PDE7B: variants seen among roughly 807,000 people sequenced by gnomAD.
The protein encoded by PDE7B is phosphodiesterase 7B, also known as 3',5'-cyclic-AMP phosphodiesterase 7B.
A neutral mutation model predicts 56.2 loss-of-function variants in PDE7B; 29 were observed. The observed-to-expected ratio is 0.52, with a 90% CI of 0.38 to 0.70. PDE7B has a LOEUF of 0.70. PDE7B is among the 30% of genes least tolerant of loss of function. PDE7B has a pLI of 0.00. For missense variants in PDE7B, 490 were observed against 565.0 expected, an observed-to-expected ratio of 0.87 and a Z score of 1.35; for synonymous variants, 197 against 196.9, an observed-to-expected ratio of 1.00 and a Z score of 0.00.
intron 2 of PDE7B, among the ~76,000 whole-genome samples, chr6:136,097,546 C>G (rs924284304): frequency 2.6e-5 from 4 of 152,164 alleles, no homozygotes; most frequent in South Asian, 2.1e-4. Context: ...CCTACCTAGT[C>G]ATTCTTTACC....
intron 2 of PDE7B, among the ~76,000 whole-genome samples, chr6:136,008,952 G>GT (rs1294796496): frequency 2.0e-5 from 3 of 151,934 alleles, no homozygotes; most frequent in African/African-American, 7.3e-5. Flanking sequence ...TTCTTCTAGG[G>GT]TTTTTATGGT....
At chr6:135,999,291 G>A (rs1009586196) in intron 2 of PDE7B, among the ~76,000 whole-genome samples, 1 of 151,950 alleles carries the variant, frequency 6.6e-6, no homozygotes, top group African/African-American at 2.4e-5. Context: ...TAGGTTCTGG[G>A]GTACATGTGC....
intron 3 of PDE7B, among the ~76,000 whole-genome samples, chr6:136,110,114 G>GT (rs141553779): frequency 0.015 from 2,225 of 151,928 alleles, 64 homozygotes; most frequent in African/African-American, 0.051. Flanking sequence ...TGCAATGTCT[G>GT]TTTTTTTTAG....
At chr6:135,924,240 C>T (rs1774142485) in intron 1 of PDE7B, among the ~76,000 whole-genome samples, 1 of 152,140 alleles carries the variant, frequency 6.6e-6, no homozygotes, top group Non-Finnish European at 1.5e-5. Context: ...CATCACAATG[C>T]TCCTTATGAC....
chr6:136,044,227 A>T (rs374000224), intron 2 of PDE7B: 15 of 152,292 alleles, frequency 9.8e-5, no homozygotes, highest in East Asian at 5.8e-4. Flanking sequence ...CAAATCACTT[A>T]ATTTTGTTAC....
chr6:136,048,344 T>C (rs1296172360), intron 2 of PDE7B, among the ~76,000 whole-genome samples: 3 of 152,050 alleles, frequency 2.0e-5, no homozygotes, highest in Non-Finnish European at 2.9e-5. Context: ...GCCAACATGG[T>C]GAAACTCTGT....
At chr6:135,998,206 T>G (rs1455708580) in intron 2 of PDE7B, among the ~76,000 whole-genome samples, 1 of 152,192 alleles carries the variant, frequency 6.6e-6, no homozygotes, top group Non-Finnish European at 1.5e-5. Flanking sequence ...TAAAAAATAC[T>G]TATTTACATA....
chr6:136,097,746 C>G (rs1777491044), intron 2 of PDE7B, among the ~76,000 whole-genome samples: 2 of 152,020 alleles, frequency 1.3e-5, no homozygotes, highest in African/African-American at 4.8e-5. Flanking sequence ...CTACAAAGTA[C>G]TAACACTTCT....
intron 5 of PDE7B, among the ~76,000 whole-genome samples, chr6:136,149,837 T>C (rs1300760154): frequency 6.6e-6 from 1 of 152,196 alleles, no homozygotes; most frequent in East Asian, 1.9e-4. Context: ...TTTAAGTCAT[T>C]ATATATGGTT....
At position 136,153,809 on chromosome 6, in the gene PDE7B, G is replaced by T. The variant is rs146063536; in HGVS notation, c.479-266G>T. Among the ~76,000 whole-genome samples the T allele has an allele frequency of 6.8e-3, 1,033 of 152,218 alleles. 9 individuals carry two copies. The highest frequency in any genetic ancestry group is 0.023 in the African/African-American group (966 of 41,520). On this transcript the variant is annotated intron_variant, in intron 6 of 12. Transcript: ENST00000308191. ...GACAGCCTTTATGAATGTCAGAAAG[G>T]GGGGATTTATGAAGGAGGTGAGAAA... is the stretch of plus-strand genomic sequence containing the variant.
intron 1 of PDE7B, among the ~76,000 whole-genome samples, chr6:135,925,529 A>G (rs1302257461): frequency 1.3e-5 from 2 of 152,184 alleles, no homozygotes; most frequent in East Asian, 1.9e-4. Flanking sequence ...GTTTTTTGAG[A>G]ACTATTTCAC....
intron 2 of PDE7B, among the ~76,000 whole-genome samples, chr6:136,050,899 CTCCTCCTCCTCCTCT>C (rs1303699433): frequency 1.3e-5 from 2 of 151,916 alleles, no homozygotes; most frequent in Admixed American, 6.6e-5. Flanking sequence ...AAACTTTCTC[CTCCTCCTCCTCCTCT>C]TCCTCCTCCT....
chr6:135,946,748 A>G (rs1434621673), intron 1 of PDE7B, among the ~76,000 whole-genome samples: 2 of 151,896 alleles, frequency 1.3e-5, no homozygotes, highest in African/African-American at 4.8e-5. Flanking sequence ...TTTCTATTAG[A>G]TTTGTTATGT....
intron 3 of PDE7B, among the ~76,000 whole-genome samples, chr6:136,121,322 C>T (rs1777930153): frequency 6.6e-6 from 1 of 152,188 alleles, no homozygotes; most frequent in Non-Finnish European, 1.5e-5. Context: ...CTCCTACCTA[C>T]CATTTTTCGA....
chr6:135,883,808 C>T (rs1390724019), intron 1 of PDE7B, among the ~76,000 whole-genome samples: 1 of 152,180 alleles, frequency 6.6e-6, no homozygotes, highest in Non-Finnish European at 1.5e-5. Flanking sequence ...CATGCCGAAG[C>T]TCTTTCCTGC....
At chr6:135,983,565 A>G (rs1164499865) in intron 2 of PDE7B, among the ~76,000 whole-genome samples, 2 of 152,190 alleles carry the variant, frequency 1.3e-5, no homozygotes, top group African/African-American at 4.8e-5. Flanking sequence ...AAGCCTATAA[A>G]GGTTTTTTAA....
chr6:135,860,658 A>G (rs1775128295), intron 1 of PDE7B, among the ~76,000 whole-genome samples: 1 of 152,008 alleles, frequency 6.6e-6, no homozygotes, highest in African/African-American at 2.4e-5. Context: ...TCTTGAGAGA[A>G]TTCTTGAGAG....
chr6:135,993,038 C>T (rs1333037515), intron 2 of PDE7B: 4 of 152,212 alleles, frequency 2.6e-5, no homozygotes, highest in African/African-American at 9.7e-5. Flanking sequence ...ATGCTCCTAT[C>T]ATCACGCCCA....
chr6:135,930,284 C>T (rs1774272292), intron 1 of PDE7B, among the ~76,000 whole-genome samples: 2 of 152,032 alleles, frequency 1.3e-5, no homozygotes, highest in South Asian at 2.1e-4. Flanking sequence ...AGACCTGGCC[C>T]CATGATTCAG....
Sources: allele counts gnomAD v4.1 joint callset (sites outside exome capture counted in the v4.1 genomes callset), GRCh38; gene constraint gnomAD v4.1.1; transcripts MANE v1.5; gene names NCBI Gene and HGNC (gene_info 2026-07-23, HGNC 2026-07-21).